CCSER2: variants seen among roughly 807,000 people sequenced by gnomAD.
CCSER2 encodes the protein serine-rich coiled-coil domain-containing protein 2.
CCSER2 carries 46 observed loss-of-function variants against 92.3 expected under a neutral mutation model. That is an observed-to-expected ratio of 0.50 (90% confidence interval 0.39 to 0.64). The LOEUF (loss-of-function observed/expected upper bound fraction) is 0.64, where lower values mean the gene tolerates loss of function less well. Among genes scored for constraint, CCSER2 ranks in the 30% least tolerant of loss-of-function variants. The pLI is 0.00. For synonymous variants in CCSER2, 433 were observed against 431.4 expected (o/e 1.00, Z -0.04); for missense variants, 1,244 against 1,238.9 (o/e 1.00, Z -0.06).
At chr10:84,437,892 T>G (rs138863939) in intron 5 of CCSER2, among the ~76,000 whole-genome samples, 10 of 152,092 alleles carry the variant, frequency 6.6e-5, no homozygotes, top group Non-Finnish European at 1.2e-4. Context: ...TTTTGTATTT[T>G]TAGTAGGGAT....
At chr10:84,448,039 C>T (rs1446394819) in intron 6 of CCSER2, among the ~76,000 whole-genome samples, 1 of 152,094 alleles carries the variant, frequency 6.6e-6, no homozygotes, top group Non-Finnish European at 1.5e-5. Flanking sequence ...TCATACTACT[C>T]CAGCTCTGAC....
rs148282462 is a variant in CCSER2 at position 84,371,280 on chromosome 10, A to G, written c.228A>G (p.Ala76=). The change falls in exon 2 of 10, where the codon GCA becomes GCG. Residue 76 remains alanine (A), a synonymous_variant. Coordinates refer to ENST00000372088, the MANE Select transcript of CCSER2 (RefSeq NM_001284240.2). ...WRKANKYQLC[A]QGVEEPNNTQ... The stretch of plus-strand genomic sequence containing the variant: ...AAGCAAATAAATATCAGCTTTGTGC[A>G]CAAGGTGTCGAAGAGCCTAACAATA... 15,252 of 1,613,566 alleles carry G rather than the reference A, an allele frequency of 9.5e-3. 151 individuals carry two copies. The highest frequency in any genetic ancestry group is 0.029 in the South Asian group (2,685 of 91,024).
At chr10:84,491,222 A>T (rs113580916) in intron 9 of CCSER2, among the ~76,000 whole-genome samples, 117 of 152,324 alleles carry the variant, frequency 7.7e-4, no homozygotes, top group African/African-American at 2.7e-3. Context: ...GTCCATTCTC[A>T]GATCTCAAAC....
chr10:84,494,788 A>G (rs1299736855), intron 9 of CCSER2, among the ~76,000 whole-genome samples: 1 of 152,208 alleles, frequency 6.6e-6, no homozygotes, highest in Non-Finnish European at 1.5e-5. Flanking sequence ...TTGGGAGACC[A>G]AAGTATTATC....
chr10:84,480,550 C>T (rs965291762), intron 9 of CCSER2, among the ~76,000 whole-genome samples: 1 of 152,130 alleles, frequency 6.6e-6, no homozygotes, highest in East Asian at 1.9e-4. Flanking sequence ...ACTAAGAATA[C>T]TTTATGAGTA....
intron 3 of CCSER2, among the ~76,000 whole-genome samples, chr10:84,384,940 G>T (rs554047464): frequency 6.6e-6 from 1 of 151,254 alleles, no homozygotes; most frequent in South Asian, 2.1e-4. Flanking sequence ...ACAAAAATTG[G>T]TATATCCATA....
At chr10:84,441,448 C>T (rs890046192) in intron 6 of CCSER2, among the ~76,000 whole-genome samples, 1 of 151,866 alleles carries the variant, frequency 6.6e-6, no homozygotes, top group Admixed American at 6.6e-5. Context: ...TCTTTGGTTC[C>T]CTGTATTCTT....
intron 1 of CCSER2, among the ~76,000 whole-genome samples, chr10:84,333,900 A>G (rs1589372532): frequency 1.3e-5 from 2 of 152,236 alleles, no homozygotes; most frequent in East Asian, 1.9e-4. Context: ...TTCTAGTAAC[A>G]TATCTGTCTC....
chr10:84,371,518 A>G lies in CCSER2; in HGVS notation c.466A>G (p.Thr156Ala), dbSNP rs909709020. The G allele has an allele frequency of 3.7e-6, 6 of 1,613,624 alleles. No homozygotes were observed. Among genetic ancestry groups the G allele is most frequent in the Non-Finnish European group, 3.4e-6 (4 of 1,179,760 alleles). The change falls in exon 2 of 10, where the codon ACA (threonine) becomes GCA (alanine). Residue 156 changes from threonine to alanine, a missense_variant. Physicochemically the swap from Thr to Ala is moderately conservative, Grantham distance 58 (BLOSUM62 0). Coordinates refer to ENST00000372088, the MANE Select transcript of CCSER2 (RefSeq NM_001284240.2). ...PSNLGKFTKG[T>A]LLGRTSYSSI... Reference sequence around the variant, plus strand: ...TAATTTGGGTAAATTCACCAAAGGCACATTATTAGGAAGGACTTCATATTC... The same window carrying G: ...TAATTTGGGTAAATTCACCAAAGGCGCATTATTAGGAAGGACTTCATATTC...
intron 6 of CCSER2, among the ~76,000 whole-genome samples, chr10:84,447,560 A>T (rs183609293): frequency 1.1e-4 from 16 of 152,248 alleles, no homozygotes; most frequent in African/African-American, 3.9e-4. Flanking sequence ...AATTTATCAG[A>T]CTTTTTTCTT....
At chr10:84,467,961 G>A (rs150975206) in intron 7 of CCSER2, among the ~76,000 whole-genome samples, 119 of 152,146 alleles carry the variant, frequency 7.8e-4, no homozygotes, top group African/African-American at 2.8e-3. Flanking sequence ...TTTTCTTGCT[G>A]TTGTTAAAAT....
At chr10:84,503,056 C>G (rs563744277) in intron 9 of CCSER2, among the ~76,000 whole-genome samples, 1 of 152,142 alleles carries the variant, frequency 6.6e-6, no homozygotes, top group African/African-American at 2.4e-5. Context: ...AACCGCATCT[C>G]TACTAAAAAT....
At chr10:84,453,923 A>G (rs1231578937) in intron 6 of CCSER2, among the ~76,000 whole-genome samples, 1 of 151,880 alleles carries the variant, frequency 6.6e-6, no homozygotes, top group Non-Finnish European at 1.5e-5. Flanking sequence ...TGTGGGTGTG[A>G]TTGTTGAGAT....
At chr10:84,474,171 G>A (rs1349292039) in intron 8 of CCSER2, among the ~76,000 whole-genome samples, 1 of 152,040 alleles carries the variant, frequency 6.6e-6, no homozygotes, top group African/African-American at 2.4e-5. Flanking sequence ...GAATAATCTT[G>A]GGAAATTGCT....
rs1452211476 is a variant in CCSER2 at position 84,513,649 on chromosome 10, A to G, written c.2526A>G (p.Ser842=). The change falls in exon 10 of 10, where the codon TCA becomes TCG. Residue 842 remains serine, a synonymous_variant. Transcript: ENST00000372088. ...ATGGTTTGGAAGAGCAGCCTTTTTC[A>G]TCAGGCCCACAATTAACAATGGATG... The part of the protein sequence containing the change: ...SNYGLEEQPF[S]SGPQLTMDVA... 6.3e-7 allele frequency: 1 copy of G among 1,582,744 alleles called. No homozygotes were observed. Among genetic ancestry groups the G allele is most frequent in the Admixed American group, 1.8e-5 (1 of 54,572 alleles).
intron 3 of CCSER2, among the ~76,000 whole-genome samples, chr10:84,402,234 G>A (rs1196784196): frequency 6.6e-6 from 1 of 152,184 alleles, no homozygotes; most frequent in African/African-American, 2.4e-5. Flanking sequence ...ATCCATGCAA[G>A]TGAATACCGT....
At chr10:84,510,489 C>G (rs2131877731) in intron 9 of CCSER2, among the ~76,000 whole-genome samples, 1 of 152,280 alleles carries the variant, frequency 6.6e-6, no homozygotes, top group East Asian at 1.9e-4. Flanking sequence ...ACTCCTAGTA[C>G]AGTACATGAT....
intron 3 of CCSER2, among the ~76,000 whole-genome samples, chr10:84,396,129 C>T (rs902472892): frequency 1.2e-4 from 18 of 151,856 alleles, no homozygotes; most frequent in Admixed American, 9.8e-4. Flanking sequence ...AGCCTTTTCT[C>T]AGAAAGTGAG....
intron 9 of CCSER2, among the ~76,000 whole-genome samples, chr10:84,501,100 GTCC>G (rs1001487148): frequency 4.6e-5 from 7 of 151,638 alleles, no homozygotes; most frequent in African/African-American, 1.5e-4. Context: ...GAGTTTTTTT[GTCC>G]TCCTCCTTTT....
Sources: allele counts gnomAD v4.1 joint callset (sites outside exome capture counted in the v4.1 genomes callset), GRCh38; gene constraint gnomAD v4.1.1; transcripts MANE v1.5; gene names NCBI Gene and HGNC (gene_info 2026-07-23, HGNC 2026-07-21).